DYNC1I1: variants seen among roughly 807,000 people sequenced by gnomAD.
The protein encoded by DYNC1I1 is cytoplasmic dynein 1 intermediate chain 1.
DYNC1I1 carries 43 observed loss-of-function variants against 86.6 expected under a neutral mutation model. The ratio of observed to expected loss-of-function variants is 0.50; its 90% CI spans 0.39 to 0.64. The LOEUF is 0.64. Among genes scored for constraint, DYNC1I1 ranks in the 30% least tolerant of loss-of-function variants. DYNC1I1 has a pLI of 0.00. For synonymous variants in DYNC1I1, 262 were observed against 283.7 expected, an observed-to-expected ratio of 0.92 and a Z score of 0.77; for missense variants, 604 against 788.8, an observed-to-expected ratio of 0.77 and a Z score of 2.81.
intron 1 of DYNC1I1, among the ~76,000 whole-genome samples, chr7:95,785,737 A>G (rs1055214552): frequency 2.7e-4 from 39 of 145,558 alleles, no homozygotes; most frequent in Admixed American, 2.1e-3. Flanking sequence ...GTGTGTATGT[A>G]TATATATATG....
intron 1 of DYNC1I1, among the ~76,000 whole-genome samples, chr7:95,778,874 A>T (rs908948192): frequency 6.6e-6 from 1 of 152,012 alleles, no homozygotes; most frequent in Non-Finnish European, 1.5e-5. Flanking sequence ...TGTGTTGCCC[A>T]GGCTGGTCTT....
At chr7:95,872,630 C>T (rs1457697394) in intron 6 of DYNC1I1, among the ~76,000 whole-genome samples, 4 of 152,130 alleles carry the variant, frequency 2.6e-5, no homozygotes, top group Admixed American at 6.5e-5. Context: ...ACACTCCAGA[C>T]AGTGATATAA....
At chr7:96,103,264 T>A (rs1474803818), downstream of DYNC1I1, among the ~76,000 whole-genome samples, 3 of 152,226 alleles carry the variant, frequency 2.0e-5, no homozygotes, top group Non-Finnish European at 4.4e-5. Context: ...TATACCACAT[T>A]CAGGATGAAC....
chr7:95,897,656 C>A (rs1016677456), intron 6 of DYNC1I1, among the ~76,000 whole-genome samples: 15 of 151,916 alleles, frequency 9.9e-5, no homozygotes, highest in African/African-American at 3.6e-4. Flanking sequence ...AATTGGCAGG[C>A]AGATCTGCTT....
intron 1 of DYNC1I1, among the ~76,000 whole-genome samples, chr7:95,783,073 G>C (rs1052457822): frequency 6.6e-6 from 1 of 152,126 alleles, no homozygotes; most frequent in African/African-American, 2.4e-5. Flanking sequence ...AAACAGAAAT[G>C]CCTGTTCCCA....
chr7:95,870,114 A>C, intron 6 of DYNC1I1, 116 bp downstream of exon 6: 1 of 863,384 alleles, frequency 1.2e-6, no homozygotes, highest in Non-Finnish European at 1.7e-6. Flanking sequence ...TACAAACATA[A>C]TGACACTGAA....
chr7:96,041,761 T>C (rs1789059428), intron 14 of DYNC1I1, among the ~76,000 whole-genome samples: 1 of 152,086 alleles, frequency 6.6e-6, no homozygotes, highest in African/African-American at 2.4e-5. Context: ...TTTATAATTA[T>C]ATAATTAGAA....
At chr7:95,915,615 T>G (rs940346661) in intron 6 of DYNC1I1, among the ~76,000 whole-genome samples, 2 of 152,208 alleles carry the variant, frequency 1.3e-5, no homozygotes, top group Admixed American at 6.5e-5. Context: ...TCTCACTGTA[T>G]TTAATGTGTT....
Position 96,059,105 on chromosome 7 carries a change from AT to A in DYNC1I1, c.1510-16950del, listed in dbSNP as rs565356831. ...CATCAGCCTATGAATACATTATCTT[AT>A]TGTATGTGTGTTTCTGTTTAAAGAC... On this transcript the variant is annotated intron_variant, in intron 14 of 16. Coordinates refer to ENST00000447467, the MANE Select transcript of DYNC1I1 (RefSeq NM_001135556.2). Among the ~76,000 whole-genome samples, 28 of 151,970 alleles carry A rather than the reference AT, an allele frequency of 1.8e-4. 1 individual carries two copies. The highest frequency in any genetic ancestry group is 4.4e-5 in the Non-Finnish European group (3 of 67,980).
chr7:95,888,246 G>T (rs907317130), intron 6 of DYNC1I1, among the ~76,000 whole-genome samples: 1 of 152,134 alleles, frequency 6.6e-6, no homozygotes, highest in Non-Finnish European at 1.5e-5. Context: ...AGACAAGACT[G>T]GCCAACATGG....
At chr7:95,910,243 A>G (rs1270464198) in intron 6 of DYNC1I1, among the ~76,000 whole-genome samples, 1 of 152,052 alleles carries the variant, frequency 6.6e-6, no homozygotes, top group African/African-American at 2.4e-5. Context: ...TGTACCTTTC[A>G]TGTCATTCCC....
chr7:96,096,710 A>G (rs1011960339), intron 16 of DYNC1I1, among the ~76,000 whole-genome samples: 2 of 152,148 alleles, frequency 1.3e-5, no homozygotes, highest in Non-Finnish European at 2.9e-5. Context: ...AATTTTATAA[A>G]TCCCCCTTTT....
intron 5 of DYNC1I1, among the ~76,000 whole-genome samples, chr7:95,851,933 G>A (rs1789590103): frequency 6.6e-6 from 1 of 152,098 alleles, no homozygotes; most frequent in African/African-American, 2.4e-5. Flanking sequence ...CAAAGTGCTG[G>A]GATTACAGGT....
At chr7:95,880,693 T>C (rs1376000747) in intron 6 of DYNC1I1, among the ~76,000 whole-genome samples, 1 of 144,726 alleles carries the variant, frequency 6.9e-6, no homozygotes, top group African/African-American at 2.6e-5. Flanking sequence ...TCACCCAGGC[T>C]GGAGTACAGT....
At position 96,050,038 on chromosome 7, in the gene DYNC1I1, C is replaced by CAA. The variant is rs78767576; in HGVS notation, c.1509+10627_1509+10628dup. On this transcript the variant is annotated intron_variant, in intron 14 of 16. Coordinates refer to ENST00000447467, the MANE Select transcript of DYNC1I1 (RefSeq NM_001135556.2). The stretch of plus-strand genomic sequence containing the variant: ...CTCCATCTCAAAAAAAACAAACAAA[C>CAA]AAAAAAAAAAACAGTATAGCTCAAA... Among the ~76,000 whole-genome samples the CAA allele has an allele frequency of 1.1e-4, 15 of 139,026 alleles. 1 individual carries two copies. The highest frequency in any genetic ancestry group is 4.5e-4 in the South Asian group (2 of 4,474). 91.2% of individuals were successfully genotyped at this position (139,026 alleles called of 152,430 possible).
Position 95,869,987 on chromosome 7 carries a change from A to G in DYNC1I1, c.479A>G (p.His160Arg), listed in dbSNP as rs775544140. Residue 160 changes from histidine (H) to arginine (R), a missense_variant, in exon 6 of 17, where the codon CAT becomes CGT. By Grantham distance (29) the His-to-Arg change is conservative. Transcript: ENST00000447467. ...GAGACCCAGACTCCTCTTGCCACGC[A>G]TCAGTCTGAAGGTAAACTATGTCTT... ...SKETQTPLAT[H>R]QSEEDEEDEE... The G allele has an allele frequency of 1.2e-5, 20 of 1,613,566 alleles. No homozygotes were observed. Among genetic ancestry groups the G allele is most frequent in the Non-Finnish European group, 1.7e-5 (20 of 1,179,788 alleles).
intron 6 of DYNC1I1, among the ~76,000 whole-genome samples, chr7:95,882,618 T>C (rs1333487302): frequency 1.3e-5 from 2 of 152,226 alleles, no homozygotes; most frequent in Non-Finnish European, 2.9e-5. Context: ...TAATCATTAC[T>C]AGAAGTGTCA....
chr7:96,101,672 G>C (rs1272053639), downstream of DYNC1I1, among the ~76,000 whole-genome samples: 1 of 152,134 alleles, frequency 6.6e-6, no homozygotes, highest in East Asian at 1.9e-4. Flanking sequence ...TTAGGTCTAT[G>C]TACACACACA....
chr7:96,051,529 C>T (rs1307984919), intron 14 of DYNC1I1, among the ~76,000 whole-genome samples: 1 of 152,172 alleles, frequency 6.6e-6, no homozygotes, highest in Non-Finnish European at 1.5e-5. Flanking sequence ...CTGACTTCCC[C>T]TGAATATATC....
Sources: gnomAD v4.1 joint callset for allele counts (sites outside exome capture counted in the v4.1 genomes callset) on GRCh38, gnomAD v4.1.1 for gene constraint, MANE v1.5 for transcripts, NCBI Gene and HGNC (gene_info 2026-07-23, HGNC 2026-07-21) for gene names.